COL23A1: variants seen among roughly 807,000 people sequenced by gnomAD.
The protein encoded by COL23A1 is collagen type XXIII alpha 1 chain, also known as collagen alpha-1(XXIII) chain.
COL23A1 carries 97 observed loss-of-function variants against 99.3 expected under a neutral mutation model. The ratio of observed to expected loss-of-function variants is 0.98; its 90% CI spans 0.83 to 1.16. COL23A1 has a LOEUF of 1.16. COL23A1 is among the 50% of genes most tolerant of loss of function. The pLI is 0.00. For missense variants in COL23A1, 762 were observed against 757.4 expected, an observed-to-expected ratio of 1.01 and a Z score of -0.07; for synonymous variants, 320 against 308.2, an observed-to-expected ratio of 1.04 and a Z score of -0.40.
intron 3 of COL23A1, among the ~76,000 whole-genome samples, chr5:178,298,309 T>C (rs2973787): frequency 0.66 from 100,175 of 152,002 alleles, 33,615 homozygotes; most frequent in African/African-American, 0.71. Flanking sequence ...AAGCTGCTTG[T>C]TGTGTTACCA....
At chr5:178,324,350 C>T (rs1031314876) in intron 2 of COL23A1, among the ~76,000 whole-genome samples, 1 of 152,184 alleles carries the variant, frequency 6.6e-6, no homozygotes, top group African/African-American at 2.4e-5. Context: ...ATATTTCCAG[C>T]CTCATGTGCT....
At chr5:178,399,569 C>T (rs914281313) in intron 2 of COL23A1, among the ~76,000 whole-genome samples, 2 of 152,264 alleles carry the variant, frequency 1.3e-5, no homozygotes, top group Admixed American at 6.5e-5. Flanking sequence ...CGCCCCTGCA[C>T]GGGGGAAAGC....
intron 2 of COL23A1, among the ~76,000 whole-genome samples, chr5:178,315,949 TTA>T (rs1156250646): frequency 6.6e-6 from 1 of 152,208 alleles, no homozygotes; most frequent in Non-Finnish European, 1.5e-5. Context: ...ACAATAGGTT[TTA>T]TTCACCTACT....
intron 1 of COL23A1, among the ~76,000 whole-genome samples, chr5:178,578,276 CAT>C (rs1409103198): frequency 6.6e-6 from 1 of 152,196 alleles, no homozygotes; most frequent in African/African-American, 2.4e-5. Flanking sequence ...TGTACACACA[CAT>C]GCATGCATTC....
chr5:178,456,984 G>C (rs1406271201), intron 2 of COL23A1, among the ~76,000 whole-genome samples: 1 of 152,158 alleles, frequency 6.6e-6, no homozygotes, highest in Non-Finnish European at 1.5e-5. Flanking sequence ...TTTTGGGTTT[G>C]TTTGGTAAAG....
At chr5:178,484,606 G>A (rs1196174277) in intron 2 of COL23A1, among the ~76,000 whole-genome samples, 3 of 151,888 alleles carry the variant, frequency 2.0e-5, no homozygotes, top group East Asian at 2.0e-4. Flanking sequence ...GGCGGATCAC[G>A]AGGTCGGGAG....
chr5:178,368,901 CACCCCGAGGG>C, intron 2 of COL23A1, among the ~76,000 whole-genome samples: 1 of 152,252 alleles, frequency 6.6e-6, no homozygotes, highest in Non-Finnish European at 1.5e-5. Context: ...CACGTCCCTG[CACCCCGAGGG>C]CTGCTCCTCA....
intron 2 of COL23A1, chr5:178,443,079 T>A (rs1473428168): frequency 6.6e-6 from 1 of 152,350 alleles, no homozygotes; most frequent in African/African-American, 2.4e-5. Flanking sequence ...TGCCTTCATT[T>A]GAGCTCTGTG....
At chr5:178,583,960 C>T (rs1763786815) in intron 1 of COL23A1, among the ~76,000 whole-genome samples, 1 of 152,186 alleles carries the variant, frequency 6.6e-6, no homozygotes, top group Non-Finnish European at 1.5e-5. Context: ...AACACCTGGG[C>T]TCGAGCAATC....
At chr5:178,511,036 A>G (rs1426258390) in intron 2 of COL23A1, among the ~76,000 whole-genome samples, 1 of 152,232 alleles carries the variant, frequency 6.6e-6, no homozygotes, top group African/African-American at 2.4e-5. Context: ...GGCAAACAAG[A>G]GCTAAAAAGG....
Position 178,249,129 on chromosome 5 carries a change from C to A in COL23A1, c.1137G>T (p.Leu379Phe), listed in dbSNP as rs755440876. Residue 379 changes from leucine (L) to phenylalanine (F), a missense_variant, in exon 19 of 29, where the codon TTG becomes TTT. Leu to Phe is a conservative substitution (Grantham distance 22). Coordinates refer to ENST00000390654, the MANE Select transcript of COL23A1 (RefSeq NM_173465.4). ...GLKGEAGEMG[L>F]SGLPGADGLK... is the part of the protein sequence containing the mutation. ...CCCAGCCACATACCGGGAGGCCGGA[C>A]AAGCCCATCTCGCCTGCTTCCCCTT... 1 of 1,614,210 alleles carries A rather than the reference C, an allele frequency of 6.2e-7. No individual in the cohort carries two copies. The highest frequency in any genetic ancestry group is 8.5e-7 in the Non-Finnish European group (1 of 1,180,028).
intron 2 of COL23A1, among the ~76,000 whole-genome samples, chr5:178,344,574 C>T (rs1037765786): frequency 2.6e-5 from 4 of 151,830 alleles, no homozygotes; most frequent in East Asian, 3.9e-4. Context: ...ACCTGGGAGG[C>T]GGAGGTTGCA....
At chr5:178,315,245 G>A (rs912143369) in intron 2 of COL23A1, among the ~76,000 whole-genome samples, 1 of 152,128 alleles carries the variant, frequency 6.6e-6, no homozygotes, top group Non-Finnish European at 1.5e-5. Context: ...CCAACACACC[G>A]TGTTCTCTGG....
intron 2 of COL23A1, among the ~76,000 whole-genome samples, chr5:178,490,574 T>C (rs1051269654): frequency 1.3e-5 from 2 of 151,568 alleles, no homozygotes; most frequent in African/African-American, 4.9e-5. Flanking sequence ...GCTGTACACA[T>C]AAAAGTGGTT....
At chr5:178,260,707 T>C (rs1426836345) in intron 11 of COL23A1, among the ~76,000 whole-genome samples, 1 of 152,106 alleles carries the variant, frequency 6.6e-6, no homozygotes, top group Middle Eastern at 3.2e-3. Context: ...AGCAGAAGAA[T>C]CACTTGAAAC....
intron 2 of COL23A1, among the ~76,000 whole-genome samples, chr5:178,432,350 A>C (rs73336664): frequency 0.02 from 3,099 of 152,300 alleles, 109 homozygotes; most frequent in African/African-American, 0.07. Context: ...AGGACATTTT[A>C]AATGACCCAC....
At chr5:178,367,108 G>C (rs545836865) in intron 2 of COL23A1, among the ~76,000 whole-genome samples, 1 of 152,172 alleles carries the variant, frequency 6.6e-6, no homozygotes, top group Non-Finnish European at 1.5e-5. Flanking sequence ...ATTCAGTTGC[G>C]GTCACGTCAG....
intron 5 of COL23A1, among the ~76,000 whole-genome samples, chr5:178,277,087 T>G (rs1756628449): frequency 6.6e-6 from 1 of 151,876 alleles, no homozygotes; most frequent in South Asian, 2.1e-4. Flanking sequence ...GAACCCAGAC[T>G]GGGCATAACG....
chr5:178,248,243 G>A lies in COL23A1; in HGVS notation c.1161C>T (p.Gly387=), dbSNP rs752296535. The change falls in exon 20 of 29, where the codon GGC becomes GGT. Residue 387 remains glycine, a synonymous_variant. Transcript: ENST00000390654. ...CCGACTCCCCCTTCTCCCCCTTGAG[G>A]CCGTCAGCGCCCTGCAGGACGGCAA... ...MGLSGLPGAD[G]LKGEKGESAS... 1 of 1,610,634 alleles carries A rather than the reference G, an allele frequency of 6.2e-7. No homozygotes were observed. The highest frequency in any genetic ancestry group is 1.1e-5 in the South Asian group (1 of 90,732).
Sources: allele counts gnomAD v4.1 joint callset (sites outside exome capture counted in the v4.1 genomes callset), GRCh38; gene constraint gnomAD v4.1.1; transcripts MANE v1.5; gene names NCBI Gene and HGNC (gene_info 2026-07-23, HGNC 2026-07-21).